Variants in PANK1 observed in about 807,000 individuals in gnomAD.
The protein encoded by PANK1 is pantothenate kinase 1.
Under a neutral mutation model 40.1 loss-of-function variants are expected in PANK1, and 18 were observed. The ratio of observed to expected loss-of-function variants is 0.45; its 90% CI spans 0.31 to 0.67. The LOEUF is 0.67. Among genes scored for constraint, PANK1 ranks in the 30% least tolerant of loss-of-function variants. The probability of loss-of-function intolerance (pLI) is 0.06; values close to 1 mark genes in which losing one functional copy is unlikely to be tolerated. For synonymous variants in PANK1, 242 were observed against 237.7 expected (o/e 1.02, Z -0.17); for missense variants, 457 against 599.6 (o/e 0.76, Z 2.48).
chr10:89,611,386 T>A (rs1429166897), intron 2 of PANK1, among the ~76,000 whole-genome samples: 1 of 152,210 alleles, frequency 6.6e-6, no homozygotes, highest in Non-Finnish European at 1.5e-5. Context: ...CTGAAATACT[T>A]CAGAAGGGAT....
chr10:89,584,578 T>G (rs1049594248), intron 6 of PANK1, 113 bp from the exon 7 acceptor site: 4 of 705,676 alleles, frequency 5.7e-6, no homozygotes, highest in Non-Finnish European at 1.0e-5. Flanking sequence ...AAACCTAAAT[T>G]GTGTGTCACA....
chr10:89,643,439 T>A (rs977092827), intron 1 of PANK1, among the ~76,000 whole-genome samples: 2 of 152,110 alleles, frequency 1.3e-5, no homozygotes, highest in East Asian at 1.9e-4. Context: ...ACCTACAAAT[T>A]TAACATTTCA....
intron 5 of PANK1, chr10:89,592,714 G>A: frequency 1.9e-6 from 1 of 534,096 alleles, no homozygotes; most frequent in Non-Finnish European, 3.8e-6. Context: ...TTTTGTGCCT[G>A]GGACTCTGGC....
chr10:89,600,868 T>A (rs528223315), intron 2 of PANK1, among the ~76,000 whole-genome samples: 11 of 152,310 alleles, frequency 7.2e-5, no homozygotes, highest in South Asian at 2.1e-4. Flanking sequence ...TATAAATTTT[T>A]AAAAAATCTC....
At chr10:89,628,632 G>C (rs1841543837) in intron 1 of PANK1, among the ~76,000 whole-genome samples, 1 of 152,118 alleles carries the variant, frequency 6.6e-6, no homozygotes, top group African/African-American at 2.4e-5. Context: ...AAAAACCATA[G>C]AATTGCATAC....
intron 1 of PANK1, among the ~76,000 whole-genome samples, chr10:89,619,939 AT>A (rs1845429083): frequency 6.6e-6 from 1 of 152,214 alleles, no homozygotes; most frequent in South Asian, 2.1e-4. Flanking sequence ...TTTCATGGAC[AT>A]TTATTAGTTC....
intron 2 of PANK1, 95 bp from the exon 3 acceptor site, chr10:89,599,600 A>G (rs1050433345): frequency 1.4e-5 from 17 of 1,185,934 alleles, no homozygotes; most frequent in Non-Finnish European, 2.0e-5. Context: ...GGTCATTCAC[A>G]TGAAAAGCAT....
chr10:89,643,390 A>C (rs1842020608), intron 1 of PANK1, among the ~76,000 whole-genome samples: 1 of 152,226 alleles, frequency 6.6e-6, no homozygotes, highest in Non-Finnish European at 1.5e-5. Context: ...ACTGTAGCCA[A>C]ATCTGCTGTT....
chr10:89,626,934 A>C (rs769039405), intron 1 of PANK1, among the ~76,000 whole-genome samples: 2 of 152,224 alleles, frequency 1.3e-5, no homozygotes, highest in Non-Finnish European at 2.9e-5. Context: ...TTAATACCAG[A>C]GCATGGTTAA....
At chr10:89,631,977 T>TG (rs769932277) in intron 1 of PANK1, among the ~76,000 whole-genome samples, 83 of 16,366 alleles carry the variant, frequency 5.1e-3, no homozygotes, top group South Asian at 0.04. Flanking sequence ...TGTGTGTGTG[T>TG]TTTTTTTTTT....
intron 1 of PANK1, among the ~76,000 whole-genome samples, chr10:89,635,840 AG>A (rs1841788250): frequency 6.6e-6 from 1 of 152,254 alleles, no homozygotes; most frequent in South Asian, 2.1e-4. Flanking sequence ...AGACACAAAT[AG>A]GCAAGAAGAA....
intron 2 of PANK1, among the ~76,000 whole-genome samples, chr10:89,607,167 G>T (rs953508584): frequency 6.6e-6 from 1 of 152,168 alleles, no homozygotes; most frequent in African/African-American, 2.4e-5. Context: ...GATTTAAAGT[G>T]TGGGACATGG....
At chr10:89,600,308 G>A (rs1200215202) in intron 2 of PANK1, among the ~76,000 whole-genome samples, 3 of 152,164 alleles carry the variant, frequency 2.0e-5, no homozygotes, top group Non-Finnish European at 4.4e-5. Context: ...AAGTCCCGAG[G>A]GACTGGGAAC....
chr10:89,594,040 T>C (rs1449778450), intron 3 of PANK1, 51 bp from the exon 4 acceptor site: 3 of 1,320,352 alleles, frequency 2.3e-6, no homozygotes, highest in Non-Finnish European at 3.3e-6. Flanking sequence ...GATATGCCCA[T>C]CCAAGTCCCC....
intron 4 of PANK1, 102 bp downstream of exon 4, chr10:89,593,711 C>T: frequency 1.2e-6 from 1 of 845,932 alleles, no homozygotes; most frequent in Non-Finnish European, 2.0e-6. Context: ...GGTATCTGCA[C>T]CAGGCTGGTG....
At chr10:89,593,365 C>G (rs1468579491) in intron 4 of PANK1, 45 bp from the exon 5 acceptor site, 15 of 1,596,778 alleles carry the variant, frequency 9.4e-6, no homozygotes, top group African/African-American at 1.3e-5. Flanking sequence ...CGTCCTCAGG[C>G]AGGGCCCATC....
intron 1 of PANK1, among the ~76,000 whole-genome samples, chr10:89,642,457 C>T (rs1156929606): frequency 6.6e-6 from 1 of 152,214 alleles, no homozygotes; most frequent in East Asian, 1.9e-4. Context: ...CTTGATGCTT[C>T]GCCACCAGCA....
Position 89,586,959 on chromosome 10 carries a change from C to A in PANK1, c.1326+1693G>T, listed in dbSNP as rs1053052612. ...CTGGCCAACATGGTGAAACCCTCTACTAAAAATATGAAAATTAGCCAGGTG... is the reference window on the plus strand; with the variant it reads ...CTGGCCAACATGGTGAAACCCTCTAATAAAAATATGAAAATTAGCCAGGTG... On this transcript the variant is annotated intron_variant, in intron 6 of 6. Coordinates refer to ENST00000307534, the MANE Select transcript of PANK1 (RefSeq NM_148977.3). Among the ~76,000 whole-genome samples the A allele has an allele frequency of 5.9e-5, 9 of 151,968 alleles. 1 individual carries two copies. The highest frequency in any genetic ancestry group is 5.9e-4 in the Admixed American group (9 of 15,254).
intron 5 of PANK1, among the ~76,000 whole-genome samples, chr10:89,591,763 C>G (rs1844395100): frequency 1.3e-5 from 2 of 152,304 alleles, no homozygotes; most frequent in South Asian, 4.1e-4. Flanking sequence ...CTCTACTCCA[C>G]CAATCAACAA....
Sources: allele counts gnomAD v4.1 joint callset (sites outside exome capture counted in the v4.1 genomes callset), GRCh38; gene constraint gnomAD v4.1.1; transcripts MANE v1.5; gene names NCBI Gene and HGNC (gene_info 2026-07-23, HGNC 2026-07-21).